The following CLHC1 variants were observed in gnomAD, a reference collection of about 807,000 sequenced individuals.
CLHC1 encodes the protein clathrin heavy chain linker domain containing 1.
In CLHC1, 72 loss-of-function variants were observed where a neutral mutation model predicts 69.5. That is an observed-to-expected ratio of 1.04 (90% confidence interval 0.86 to 1.26). CLHC1 has a LOEUF of 1.26. Ranked by LOEUF, CLHC1 falls within the 50% of genes most tolerant of loss-of-function variation. The pLI, the probability that CLHC1 is intolerant of heterozygous loss-of-function variation, is 0.00. For missense variants in CLHC1, 790 were observed against 679.3 expected (o/e 1.16, Z -1.81); for synonymous variants, 223 against 224.3 (o/e 0.99, Z 0.05).
chr2:55,177,796 GAA>G lies in CLHC1; in HGVS notation c.1385-17_1385-16del, dbSNP rs781289849. 1 of 1,587,646 alleles carries G rather than the reference GAA, an allele frequency of 6.3e-7. No individual in the cohort carries two copies. The highest frequency in any genetic ancestry group is 2.2e-5 in the East Asian group (1 of 44,682). ...CAACAGGTCATCTGAAGGCAAAAAT[GAA>G]AAAGTTTATCTCAATGTCCTAATAT... On this transcript the variant is annotated splice_polypyrimidine_tract_variant and intron_variant, in intron 11 of 12. Coordinates refer to ENST00000401408, the MANE Select transcript of CLHC1 (RefSeq NM_152385.4).
chr2:55,230,940 G>A (rs959430933), intron 1 of CLHC1, among the ~76,000 whole-genome samples: 14 of 152,072 alleles, frequency 9.2e-5, no homozygotes, highest in African/African-American at 9.7e-5. Context: ...ACTAGTTGGC[G>A]GACTAGGGGA....
At chr2:55,191,880 C>T (rs1051346500) in intron 9 of CLHC1, among the ~76,000 whole-genome samples, 1 of 151,956 alleles carries the variant, frequency 6.6e-6, no homozygotes, top group Non-Finnish European at 1.5e-5. Flanking sequence ...TGCACACCTG[C>T]ACTCCCAGTT....
chr2:55,213,579 G>C (rs929545206), intron 4 of CLHC1, among the ~76,000 whole-genome samples: 3 of 150,312 alleles, frequency 2.0e-5, no homozygotes, highest in Non-Finnish European at 4.4e-5. Flanking sequence ...AGAGCTAGAG[G>C]AAGGACAGCA....
At chr2:55,187,607 T>C (rs1337018590) in intron 9 of CLHC1, among the ~76,000 whole-genome samples, 1 of 151,406 alleles carries the variant, frequency 6.6e-6, no homozygotes, top group Non-Finnish European at 1.5e-5. Context: ...AGAGCAAGAC[T>C]GTCTCAAAAA....
chr2:55,213,806 T>C (rs1023175028), intron 4 of CLHC1, among the ~76,000 whole-genome samples: 1 of 152,192 alleles, frequency 6.6e-6, no homozygotes, highest in Admixed American at 6.5e-5. Context: ...CCAATAGCTA[T>C]AGGAACCACT....
intron 3 of CLHC1, among the ~76,000 whole-genome samples, chr2:55,218,975 T>A (rs569442428): frequency 6.6e-6 from 1 of 152,274 alleles, no homozygotes; most frequent in East Asian, 1.9e-4. Flanking sequence ...TAGGAAGGCA[T>A]CTGGTCTATG....
At chr2:55,199,133 C>T (rs1230298140) in intron 9 of CLHC1, among the ~76,000 whole-genome samples, 1 of 151,574 alleles carries the variant, frequency 6.6e-6, no homozygotes, top group Non-Finnish European at 1.5e-5. Context: ...CCCATCTCTA[C>T]TAAAATACAA....
intron 4 of CLHC1, 41 bp from the exon 5 acceptor site, chr2:55,212,847 T>G: frequency 6.8e-7 from 1 of 1,469,730 alleles, no homozygotes; most frequent in African/African-American, 1.4e-5. Flanking sequence ...TCAACTAACT[T>G]AATTCTTGAA....
chr2:55,217,237 C>T (rs1389986846), intron 4 of CLHC1, among the ~76,000 whole-genome samples: 1 of 150,860 alleles, frequency 6.6e-6, no homozygotes, highest in African/African-American at 2.4e-5. Flanking sequence ...GCCTTTTTGG[C>T]CAGCACAGTG....
intron 9 of CLHC1, among the ~76,000 whole-genome samples, chr2:55,192,599 C>A (rs1671036303): frequency 1.3e-5 from 2 of 152,098 alleles, no homozygotes. Flanking sequence ...CTACAGTAAT[C>A]AAGATAGTAT....
intron 5 of CLHC1, among the ~76,000 whole-genome samples, chr2:55,210,370 AT>A (rs1672871276): frequency 6.6e-6 from 1 of 151,372 alleles, no homozygotes; most frequent in African/African-American, 2.4e-5. Context: ...TAATTTTTGT[AT>A]TTTTAGTAGA....
chr2:55,219,270 C>A (rs769542629), intron 3 of CLHC1, among the ~76,000 whole-genome samples: 29 of 152,110 alleles, frequency 1.9e-4, no homozygotes, highest in Non-Finnish European at 3.2e-4. Flanking sequence ...GATCAGCTCC[C>A]AAGTCTGTTT....
Position 55,212,726 on chromosome 2 carries a change from G to A in CLHC1, c.446C>T (p.Thr149Ile), listed in dbSNP as rs370252555. ...HIKQCRAEYDTKEVKYCTFSK... is the reference protein window; with the variant it reads ...HIKQCRAEYDIKEVKYCTFSK... ...GAAAGTACAATATTTTACTTCTTTT[G>A]TGTCATACTCTGCCCTACACTGCTT... Residue 149 changes from threonine (T) to isoleucine (I), a missense_variant, in exon 5 of 13, where the codon ACA becomes ATA. Thr to Ile is a moderately conservative substitution (Grantham distance 89). Coordinates refer to ENST00000401408, the MANE Select transcript of CLHC1 (RefSeq NM_152385.4). 4 of 1,596,076 alleles carry A rather than the reference G, an allele frequency of 2.5e-6. No homozygotes were observed. The highest frequency in any genetic ancestry group is 1.1e-5 in the South Asian group (1 of 90,704).
chr2:55,214,041 G>C (rs1277211087), intron 4 of CLHC1, among the ~76,000 whole-genome samples: 1 of 151,992 alleles, frequency 6.6e-6, no homozygotes, highest in Admixed American at 6.6e-5. Context: ...ATGGATGGGG[G>C]GTTCTGGCTA....
At position 55,222,507 on chromosome 2, in the gene CLHC1, A is replaced by G. The variant is rs1265697658; in HGVS notation, c.-82-14T>C. The G allele has an allele frequency of 1.2e-6, 1 of 842,180 alleles. No individual in the cohort carries two copies. Among genetic ancestry groups the G allele is most frequent in the Non-Finnish European group, 1.8e-6 (1 of 541,496 alleles). The allele number at this position is 842,180 out of a possible 1,614,324, so 52.2% of individuals were successfully genotyped here. A position where few individuals can be genotyped will look rare whatever the true frequency, so the allele number is the denominator to read the frequency against. On this transcript the variant is annotated splice_polypyrimidine_tract_variant and intron_variant, in intron 2 of 12. Transcript: ENST00000401408. ...ACTTTGATAAGCCTGAAAGAAAAAA[A>G]GAGCATCAATTAATATAATAATTTT...
At chr2:55,180,375 A>G in intron 11 of CLHC1, 135 bp downstream of exon 11, 1 of 612,470 alleles carries the variant, frequency 1.6e-6, no homozygotes, top group Non-Finnish European at 2.8e-6. Flanking sequence ...AAATTACACA[A>G]GAAATCTCCT....
At chr2:55,211,069 C>T (rs950646108) in intron 5 of CLHC1, among the ~76,000 whole-genome samples, 25 of 152,158 alleles carry the variant, frequency 1.6e-4, no homozygotes, top group African/African-American at 5.8e-4. Flanking sequence ...CCCCCAGAAA[C>T]TTACCTGCAT....
At chr2:55,223,163 A>G (rs1674321298) in intron 2 of CLHC1, among the ~76,000 whole-genome samples, 1 of 152,124 alleles carries the variant, frequency 6.6e-6, no homozygotes, top group South Asian at 2.1e-4. Context: ...TCTTGACACA[A>G]ACAAGGTCAA....
intron 5 of CLHC1, among the ~76,000 whole-genome samples, chr2:55,211,726 C>A (rs1045395574): frequency 1.3e-5 from 2 of 152,064 alleles, no homozygotes; most frequent in Admixed American, 1.3e-4. Context: ...ATACCATTAT[C>A]TTTTCTCAAA....
Sources: allele counts gnomAD v4.1 joint callset (sites outside exome capture counted in the v4.1 genomes callset), GRCh38; gene constraint gnomAD v4.1.1; transcripts MANE v1.5; gene names NCBI Gene and HGNC (gene_info 2026-07-23, HGNC 2026-07-21).